Variants in REV3L observed in about 807,000 individuals in gnomAD.
The protein encoded by REV3L is DNA polymerase zeta catalytic subunit.
In REV3L, 69 loss-of-function variants were observed where a neutral mutation model predicts 299.4. The observed-to-expected ratio is 0.23, with a 90% confidence interval of 0.19 to 0.28. The LOEUF (loss-of-function observed/expected upper bound fraction) is 0.28. Ranked by LOEUF, REV3L falls within the 10% of genes least tolerant of loss-of-function variation. The pLI is 1.00. For synonymous variants in REV3L, 1,238 were observed against 1,271.4 expected, an observed-to-expected ratio of 0.97 and a Z score of 0.56; for missense variants, 3,128 against 3,693.8, an observed-to-expected ratio of 0.85 and a Z score of 3.97.
In REV3L at chr6:111,365,310, T is replaced by C; in HGVS notation, c.6708A>G (p.Gly2236=). 6.3e-7 allele frequency: 1 copy of C among 1,576,918 alleles called. No individual in the cohort carries two copies. Among genetic ancestry groups the C allele is most frequent in the Non-Finnish European group, 8.6e-7 (1 of 1,161,494 alleles). ...PKTQKLSNKK[G]SNTDTLRRVL... ...CTCTTCTAAGAGTGTCAGTATTACT[T>C]CCTTTCTTATTACTCAACTTCTGTG... Residue 2236 remains glycine (G), a synonymous_variant, in exon 15 of 32, where the codon GGA becomes GGG. Transcript: ENST00000368802.
intron 1 of REV3L, among the ~76,000 whole-genome samples, chr6:111,422,613 CACAT>C (rs1270739876): frequency 0.089 from 635 of 7,162 alleles, 98 homozygotes; most frequent in East Asian, 0.3. Flanking sequence ...TATATATATA[CACAT>C]ATATATATAT....
In REV3L at chr6:111,439,638, G is replaced by A. The variant is rs9374260; in HGVS notation, c.140-23166C>T. Among the ~76,000 whole-genome samples, 390 of 152,226 alleles carry A rather than the reference G, an allele frequency of 2.6e-3. 8 individuals carry two copies. The East Asian group carries it at 0.056, about 22-fold the overall frequency. On this transcript the variant is annotated intron_variant, in intron 1 of 31. Coordinates refer to ENST00000368802, the MANE Select transcript of REV3L (RefSeq NM_001372078.1). ...TTCTCTTATTCTACCCAATAACAACGAAACATTTCTTGACTGGATGGTAAC... is the reference window on the plus strand; with the variant it reads ...TTCTCTTATTCTACCCAATAACAACAAAACATTTCTTGACTGGATGGTAAC...
At position 111,380,102 on chromosome 6, in the gene REV3L, T is replaced by C; in HGVS notation, c.1334A>G (p.Tyr445Cys). 3 of 1,613,646 alleles carry C rather than the reference T, an allele frequency of 1.9e-6. No individual in the cohort carries two copies. The highest frequency in any genetic ancestry group is 2.5e-6 in the Non-Finnish European group (3 of 1,179,580). ...TTCTTCATCATCACTATTTTGTGGA[T>C]ATTTATTATTTCCAAAGGAGCGACA... Reference protein sequence around the residue: ...SPCRSFGNNKYPQNSDDEENE... With the variant: ...SPCRSFGNNKCPQNSDDEENE... Residue 445 changes from tyrosine (Y) to cysteine (C), a missense_variant, in exon 11 of 32, where the codon TAT becomes TGT. Physicochemically the swap from Tyr to Cys is radical, Grantham distance 194. Transcript: ENST00000368802.
chr6:111,480,838 G>GTTTTTT (rs56230820), intron 1 of REV3L, among the ~76,000 whole-genome samples: 2 of 109,042 alleles, frequency 1.8e-5, no homozygotes, highest in Admixed American at 1.8e-4. Context: ...TTTCGTTTTT[G>GTTTTTT]TTTTTTTTTT....
chr6:111,477,873 C>T (rs572586204), intron 1 of REV3L, among the ~76,000 whole-genome samples: 1 of 152,298 alleles, frequency 6.6e-6, no homozygotes, highest in Admixed American at 6.5e-5. Context: ...TAGGAGGCTA[C>T]TGTAGTAAAC....
chr6:111,314,235 CTT>C (rs1420967391), intron 27 of REV3L, among the ~76,000 whole-genome samples: 1 of 152,174 alleles, frequency 6.6e-6, no homozygotes, highest in East Asian at 1.9e-4. Flanking sequence ...TTGTGGTAGA[CTT>C]TGTTTTGCAA....
intron 1 of REV3L, among the ~76,000 whole-genome samples, chr6:111,441,968 T>C (rs138344204): frequency 1.3e-5 from 2 of 152,158 alleles, no homozygotes; most frequent in African/African-American, 4.8e-5. Flanking sequence ...GGTGTGACCG[T>C]CACAAGTGAT....
At chr6:111,431,852 AAT>A (rs2128299521) in intron 1 of REV3L, 1 of 510,182 alleles carries the variant, frequency 2.0e-6, no homozygotes, top group East Asian at 3.3e-5. Context: ...CGCTTTTTAG[AAT>A]ATGTTAAATA....
In REV3L at chr6:111,342,667, C is replaced by CAA. The variant is rs35815203; in HGVS notation, c.7538+1256_7538+1257dup. Among the ~76,000 whole-genome samples the CAA allele has an allele frequency of 1.0e-3, 126 of 122,844 alleles. 1 individual carries two copies. The highest frequency in any genetic ancestry group is 9.4e-3 in the South Asian group (36 of 3,848). 80.6% of individuals were successfully genotyped at this position (122,844 alleles called of 152,430 possible). The stretch of plus-strand genomic sequence containing the variant: ...TGGGTGACAGAGCGAGACTCTGTCT[C>CAA]AAAAAAAAAAAAAAGAACAGGAAGA... On this transcript the variant is annotated intron_variant, in intron 21 of 31. Coordinates refer to ENST00000368802, the MANE Select transcript of REV3L (RefSeq NM_001372078.1).
intron 4 of REV3L, among the ~76,000 whole-genome samples, chr6:111,393,409 T>C (rs1782143224): frequency 6.6e-6 from 1 of 152,222 alleles, no homozygotes; most frequent in Admixed American, 6.5e-5. Context: ...GAGCCACATG[T>C]GGTATTTTCA....
intron 1 of REV3L, among the ~76,000 whole-genome samples, chr6:111,434,130 C>CA (rs1297240894): frequency 2.0e-5 from 3 of 152,124 alleles, no homozygotes; most frequent in African/African-American, 7.2e-5. Flanking sequence ...AGATCTGGAG[C>CA]AAGACCAGGA....
intron 3 of REV3L, among the ~76,000 whole-genome samples, chr6:111,408,661 T>C (rs1464246214): frequency 2.2e-5 from 3 of 136,830 alleles, no homozygotes; most frequent in Admixed American, 7.5e-5. Context: ...AACAACATTA[T>C]TGAGAACACT....
At chr6:111,362,411 A>G (rs751513810) in intron 16 of REV3L, among the ~76,000 whole-genome samples, 19 of 152,200 alleles carry the variant, frequency 1.2e-4, no homozygotes, top group Non-Finnish European at 2.5e-4. Context: ...ACCACACTTA[A>G]AAATTGAATT....
chr6:111,441,909 T>C (rs894804849), intron 1 of REV3L, among the ~76,000 whole-genome samples: 1 of 152,238 alleles, frequency 6.6e-6, no homozygotes, highest in African/African-American at 2.4e-5. Context: ...TAAAGTGTTC[T>C]ATAGTCCTAT....
intron 5 of REV3L, among the ~76,000 whole-genome samples, chr6:111,390,865 G>T (rs965165271): frequency 6.6e-6 from 1 of 151,994 alleles, no homozygotes; most frequent in Non-Finnish European, 1.5e-5. Context: ...TGCCCCAAAA[G>T]AGAAGATAAA....
chr6:111,300,809 G>A (rs1489822093), intron 31 of REV3L, among the ~76,000 whole-genome samples: 1 of 152,162 alleles, frequency 6.6e-6, no homozygotes, highest in Non-Finnish European at 1.5e-5. Flanking sequence ...TATCGCCTCA[G>A]GACCCTGTGG....
Position 111,357,083 on chromosome 6 carries a change from G to T in REV3L, c.7115C>A (p.Thr2372Lys). The T allele has an allele frequency of 6.3e-7, 1 of 1,598,464 alleles. No individual in the cohort carries two copies. The highest frequency in any genetic ancestry group is 8.5e-7 in the Non-Finnish European group (1 of 1,171,074). ...QTPLLIRSGI[T>K]GLEVTYAADE... Reference sequence around the variant, plus strand: ...AGCAGCATAGGTGACTTCGAGTCCTGTAATTCCAGATCTAATAAGTAATGG... The same window carrying T: ...AGCAGCATAGGTGACTTCGAGTCCTTTAATTCCAGATCTAATAAGTAATGG... Residue 2372 changes from threonine to lysine, a missense_variant, in exon 18 of 32, where the codon ACA becomes AAA. Thr to Lys is a moderately conservative substitution (Grantham distance 78). This residue lies in a region of REV3L where 82 missense variants were observed against 142.7 expected (regional missense o/e 0.57). Transcript: ENST00000368802.
At chr6:111,455,372 G>C (rs1216691728) in intron 1 of REV3L, among the ~76,000 whole-genome samples, 2 of 152,192 alleles carry the variant, frequency 1.3e-5, no homozygotes, top group Non-Finnish European at 2.9e-5. Flanking sequence ...GCAAAGTCAT[G>C]AGGTACATAC....
At chr6:111,441,630 T>C (rs1183087072) in intron 1 of REV3L, among the ~76,000 whole-genome samples, 1 of 152,240 alleles carries the variant, frequency 6.6e-6, no homozygotes, top group African/African-American at 2.4e-5. Flanking sequence ...AAATTATCAA[T>C]CTGACAATTC....
Sources: allele counts gnomAD v4.1 joint callset (sites outside exome capture counted in the v4.1 genomes callset), GRCh38; gene constraint gnomAD v4.1.1; regional missense constraint gnomAD v4.1.1; transcripts MANE v1.5; gene names NCBI Gene and HGNC (gene_info 2026-07-23, HGNC 2026-07-21).